MTFR1: variants seen among roughly 807,000 people sequenced by gnomAD.
MTFR1 encodes the protein chondrocyte protein with a poly-proline region.
A neutral mutation model predicts 38.8 loss-of-function variants in MTFR1; 28 were observed. That is an observed-to-expected ratio of 0.72 (90% CI 0.53 to 0.99). MTFR1 has a LOEUF of 0.99. MTFR1 is among the 50% of genes least tolerant of loss of function. The probability of loss-of-function intolerance (pLI) is 0.00; values close to 1 mark genes in which losing one functional copy is unlikely to be tolerated. For synonymous variants in MTFR1, 145 were observed against 137.0 expected, an observed-to-expected ratio of 1.06 and a Z score of -0.41; for missense variants, 358 against 395.5, an observed-to-expected ratio of 0.91 and a Z score of 0.81.
intron 4 of MTFR1, among the ~76,000 whole-genome samples, chr8:65,703,460 G>A (rs898810245): frequency 1.0e-5 from 1 of 97,898 alleles, no homozygotes; most frequent in African/African-American, 3.9e-5. Context: ...TTGAGATGGA[G>A]TCTTGCATTG....
At chr8:65,739,829 G>GA (rs570861510) in intron 3 of MTFR1, among the ~76,000 whole-genome samples, 61 of 152,174 alleles carry the variant, frequency 4.0e-4, no homozygotes, top group Middle Eastern at 3.4e-3. Context: ...CCAAAGAACT[G>GA]AAAACTAGAC....
intron 3 of MTFR1, among the ~76,000 whole-genome samples, chr8:65,735,972 T>C (rs1184284420): frequency 6.6e-6 from 1 of 152,158 alleles, no homozygotes; most frequent in East Asian, 1.9e-4. Context: ...CCCCTCATAT[T>C]CTTGGGGGAT....
intron 3 of MTFR1, among the ~76,000 whole-genome samples, chr8:65,687,924 ACT>A (rs1585779509): frequency 6.6e-6 from 1 of 151,232 alleles, no homozygotes; most frequent in East Asian, 2.0e-4. Context: ...ACATGGTGAA[ACT>A]CTGTCTCTAT....
At chr8:65,676,483 C>T (rs1261276106) in intron 2 of MTFR1, among the ~76,000 whole-genome samples, 1 of 152,152 alleles carries the variant, frequency 6.6e-6, no homozygotes. Context: ...CCTGCCTCAG[C>T]CTCCTGAGTA....
rs186437580 is a variant in MTFR1, at chr8:65,735,921, G to A, written c.*48+16440G>A. Among the ~76,000 whole-genome samples, 245 of 152,154 alleles carry A rather than the reference G, an allele frequency of 1.6e-3. 1 individual carries two copies. Among genetic ancestry groups the A allele is most frequent in the Non-Finnish European group, 2.9e-3 (199 of 67,994 alleles). ...ATTACAGGTATGAGCCACCATGCCC[G>A]GCCGTATGTGTTTTATAATTTATAT... On this transcript the variant is annotated intron_variant, in intron 3 of 3. Coordinates refer to the MTFR1 transcript ENST00000521247.
At chr8:65,761,994 C>A (rs748527209) in intron 3 of MTFR1, among the ~76,000 whole-genome samples, 14 of 152,194 alleles carry the variant, frequency 9.2e-5, no homozygotes, top group Non-Finnish European at 1.2e-4. Context: ...GCTCTTGAGA[C>A]CCGACCACTA....
intron 3 of MTFR1, chr8:65,726,937 C>T: frequency 6.2e-7 from 1 of 1,604,698 alleles, no homozygotes; most frequent in Non-Finnish European, 8.5e-7. Context: ...CTGCAGATCT[C>T]CAGTGGTGAT....
chr8:65,713,697 A>G (rs1173614796), downstream of MTFR1, among the ~76,000 whole-genome samples: 4 of 152,042 alleles, frequency 2.6e-5, no homozygotes, highest in African/African-American at 4.8e-5. Context: ...GATGTTAACT[A>G]TTTTTTGAAA....
chr8:65,771,382 A>C (rs1229591924), downstream of MTFR1: 1 of 152,610 alleles, frequency 6.6e-6, no homozygotes. Context: ...CATCTAAAAA[A>C]AAATTCAGCA....
intron 3 of MTFR1, chr8:65,723,635 AAAG>A (rs768715760): frequency 6.6e-7 from 1 of 1,504,772 alleles, no homozygotes; most frequent in Non-Finnish European, 8.9e-7. Flanking sequence ...TAAATTAAAA[AAAG>A]AGAAGTATTA....
chr8:65,653,458 G>A (rs1025909825), intron 1 of MTFR1, among the ~76,000 whole-genome samples: 7 of 152,144 alleles, frequency 4.6e-5, no homozygotes, highest in African/African-American at 1.4e-4. Context: ...GTTGCAGTTA[G>A]CTGTTATCGT....
intron 3 of MTFR1, among the ~76,000 whole-genome samples, chr8:65,692,698 G>A (rs1196549911): frequency 6.6e-6 from 1 of 151,750 alleles, no homozygotes; most frequent in African/African-American, 2.4e-5. Flanking sequence ...TTAAGTTTAG[G>A]TAGAGAATTC....
intron 3 of MTFR1, chr8:65,739,462 A>G: frequency 6.6e-7 from 1 of 1,514,688 alleles, no homozygotes; most frequent in Non-Finnish European, 8.8e-7. Context: ...TCTTGTATAA[A>G]TGTAAATCTT....
chr8:65,667,340 T>C (rs1204058786), intron 1 of MTFR1, among the ~76,000 whole-genome samples: 1 of 145,314 alleles, frequency 6.9e-6, no homozygotes, highest in African/African-American at 2.5e-5. Flanking sequence ...GCCAAATGTG[T>C]ATACTGTTTT....
In MTFR1 at chr8:65,688,724, C is replaced by T. The variant is rs1359726812; in HGVS notation, c.166-4920C>T. ...GCTCCCAAAGTACTGGGATTACAGG[C>T]GTAAGCCACCGCGCCCAGCCTGCTT... On this transcript the variant is annotated intron_variant, in intron 3 of 7. Coordinates refer to ENST00000262146, the MANE Select transcript of MTFR1 (RefSeq NM_014637.4). Among the ~76,000 whole-genome samples the T allele has an allele frequency of 3.3e-5, 5 of 151,614 alleles. No individual in the cohort carries two copies. The East Asian group carries it at 8.1e-4, about 24-fold the overall frequency.
chr8:65,645,449 C>A (rs879238978), intron 1 of MTFR1, among the ~76,000 whole-genome samples: 1 of 152,170 alleles, frequency 6.6e-6, no homozygotes. Context: ...AGAAATTGAA[C>A]GAAGGATATA....
rs754224016 is a variant in MTFR1, at chr8:65,660,027, C to T, written c.-80-9846C>T. 5.3e-5 allele frequency among the ~76,000 whole-genome samples: 8 copies of T among 152,232 alleles called. No individual in the cohort carries two copies. In the East Asian group the frequency reaches 7.7e-4, roughly 15 times the overall value. Reference sequence around the variant, plus strand: ...TCTGTGGGCCGGGCATCGTGGCTCACGCCTGTAATCCCAGCACTTCGGGAG... The same window carrying T: ...TCTGTGGGCCGGGCATCGTGGCTCATGCCTGTAATCCCAGCACTTCGGGAG... On this transcript the variant is annotated intron_variant, in intron 1 of 7. Coordinates refer to ENST00000262146, the MANE Select transcript of MTFR1 (RefSeq NM_014637.4).
chr8:65,764,422 C>T (rs965042564), intron 3 of MTFR1, among the ~76,000 whole-genome samples: 1 of 152,180 alleles, frequency 6.6e-6, no homozygotes, highest in African/African-American at 2.4e-5. Flanking sequence ...TAGCTGCTTT[C>T]GCAGACCAAA....
intron 2 of MTFR1, chr8:65,719,322 G>T: frequency 6.2e-7 from 1 of 1,613,904 alleles, no homozygotes; most frequent in South Asian, 1.1e-5. Context: ...GGTAATAACT[G>T]TGAGTTCAAC....
Sources: allele counts gnomAD v4.1 joint callset (sites outside exome capture counted in the v4.1 genomes callset), GRCh38; gene constraint gnomAD v4.1.1; transcripts MANE v1.5; gene names NCBI Gene and HGNC (gene_info 2026-07-23, HGNC 2026-07-21).